The following LOC400499 variants were observed in gnomAD, a reference collection of about 807,000 sequenced individuals.
the LOC400499 span, among the ~76,000 whole-genome samples, chr16:11,519,479 G>A: frequency 6.6e-6 from 1 of 152,114 alleles, no homozygotes; most frequent in Non-Finnish European, 1.5e-5. Context: ...GCTCACACCT[G>A]TAATCCCAGC....
At chr16:11,462,342 G>T in the LOC400499 span, 1 of 1,436,420 alleles carries the variant, frequency 7.0e-7, no homozygotes, top group South Asian at 1.4e-5. Flanking sequence ...GACAGGCTTG[G>T]CCAGCAGGCC....
chr16:11,427,384 C>T, the LOC400499 span, among the ~76,000 whole-genome samples: 1 of 141,732 alleles, frequency 7.1e-6, no homozygotes, highest in African/African-American at 2.6e-5. Flanking sequence ...AAAAAGTGCT[C>T]AACATAATTA....
the LOC400499 span, among the ~76,000 whole-genome samples, chr16:11,381,281 CTG>C: frequency 4.6e-5 from 7 of 152,272 alleles, no homozygotes; most frequent in African/African-American, 1.4e-4. Flanking sequence ...GGGTCTCAGT[CTG>C]TCACGCAGGC....
the LOC400499 span, chr16:11,407,346 GA>G: frequency 0.52 from 182,372 of 353,748 alleles, 35,115 homozygotes; most frequent in Non-Finnish European, 0.56. Flanking sequence ...AGCTGGGTCA[GA>G]AAAAAAAAAA....
At chr16:11,389,246 C>A in the LOC400499 span, among the ~76,000 whole-genome samples, 2 of 152,230 alleles carry the variant, frequency 1.3e-5, no homozygotes, top group Non-Finnish European at 2.9e-5. Context: ...GATCCACCCC[C>A]CCATCTCACC....
At chr16:11,477,233 C>T in the LOC400499 span, among the ~76,000 whole-genome samples, 3 of 152,342 alleles carry the variant, frequency 2.0e-5, no homozygotes, top group South Asian at 6.2e-4. Context: ...GTGTCTAAGT[C>T]CCAGCCCAGG....
chr16:11,405,199 A>G, the LOC400499 span, among the ~76,000 whole-genome samples: 2 of 152,166 alleles, frequency 1.3e-5, no homozygotes, highest in African/African-American at 2.4e-5. Context: ...GAAAGTGTCA[A>G]CCTTTGCAAG....
At chr16:11,478,197 T>C in the LOC400499 span, among the ~76,000 whole-genome samples, 1 of 150,818 alleles carries the variant, frequency 6.6e-6, no homozygotes, top group East Asian at 2.0e-4. Context: ...CTGGCTAATT[T>C]TTGTGTTTTC....
the LOC400499 span, among the ~76,000 whole-genome samples, chr16:11,488,101 G>A: frequency 1.4e-5 from 2 of 145,902 alleles, no homozygotes; most frequent in Non-Finnish European, 3.0e-5. Flanking sequence ...TGGGCAATAG[G>A]GCGATAGTCC....
chr16:11,417,870 C>T, the LOC400499 span: 1 of 398,638 alleles, frequency 2.5e-6, no homozygotes, highest in Admixed American at 4.4e-5. Context: ...CGCTGGACCA[C>T]CCTGTGCAGA....
At chr16:11,375,621 T>C in the LOC400499 span, among the ~76,000 whole-genome samples, 1 of 151,952 alleles carries the variant, frequency 6.6e-6, no homozygotes, top group Non-Finnish European at 1.5e-5. Flanking sequence ...CCTCTCCATG[T>C]GGTTTTGGTT....
At chr16:11,515,520 T>A in the LOC400499 span, among the ~76,000 whole-genome samples, 1 of 146,586 alleles carries the variant, frequency 6.8e-6, no homozygotes, top group African/African-American at 2.7e-5. Context: ...CATACATACA[T>A]ACGTACATAC....
chr16:11,423,898 C>T, the LOC400499 span, among the ~76,000 whole-genome samples: 4 of 152,246 alleles, frequency 2.6e-5, no homozygotes, highest in Non-Finnish European at 5.9e-5. Context: ...CCTGCAGCCC[C>T]GAGAGGCCAT....
the LOC400499 span, chr16:11,423,381 C>A: frequency 2.5e-6 from 1 of 397,274 alleles, no homozygotes; most frequent in Non-Finnish European, 4.4e-6. Flanking sequence ...CAAATAACCC[C>A]AAAGAGAGGT....
the LOC400499 span, among the ~76,000 whole-genome samples, chr16:11,507,162 G>C: frequency 6.6e-6 from 1 of 152,208 alleles, no homozygotes; most frequent in Non-Finnish European, 1.5e-5. Flanking sequence ...AAAGAATGCA[G>C]TGCTGTCTTC....
chr16:11,432,282 C>T, the LOC400499 span, among the ~76,000 whole-genome samples: 2 of 152,204 alleles, frequency 1.3e-5, no homozygotes, highest in African/African-American at 2.4e-5. Flanking sequence ...CCCACAGAAT[C>T]GTGAGCAAAC....
chr16:11,482,323 G>GC, the LOC400499 span, among the ~76,000 whole-genome samples: 1 of 152,206 alleles, frequency 6.6e-6, no homozygotes, highest in Non-Finnish European at 1.5e-5. Flanking sequence ...GTCCCTGGCA[G>GC]CTGGACTTTG....
chr16:11,456,535 G>T, the LOC400499 span, among the ~76,000 whole-genome samples: 4 of 152,192 alleles, frequency 2.6e-5, no homozygotes, highest in East Asian at 7.7e-4. Context: ...ACTGGCAAAG[G>T]TAAGAAGTTA....
At chr16:11,470,437 G>C in the LOC400499 span, among the ~76,000 whole-genome samples, 1 of 152,170 alleles carries the variant, frequency 6.6e-6, no homozygotes, top group East Asian at 1.9e-4. Context: ...ACATCTCTCA[G>C]CATCTTCCCT....
Sources: gnomAD v4.1 joint callset for allele counts (sites outside exome capture counted in the v4.1 genomes callset) on GRCh38, gnomAD v4.1.1 for gene constraint, MANE v1.5 for transcripts.